RGS6: variants seen among roughly 807,000 people sequenced by gnomAD.
The protein encoded by RGS6 is regulator of G-protein signaling 6.
A neutral mutation model predicts 78.5 loss-of-function variants in RGS6; 30 were observed. The observed-to-expected ratio is 0.38, with a 90% CI of 0.29 to 0.52. The LOEUF is 0.52. Ranked by LOEUF, RGS6 falls within the 20% of genes least tolerant of loss-of-function variation. RGS6 has a pLI of 0.85. For synonymous variants in RGS6, 206 were observed against 206.0 expected (o/e 1.00, Z 0.00); for missense variants, 495 against 609.7 (o/e 0.81, Z 1.98).
intron 11 of RGS6, chr14:72,477,046 G>C: frequency 3.7e-6 from 2 of 541,858 alleles, no homozygotes; most frequent in South Asian, 4.3e-5. Flanking sequence ...AGTTCCTCCA[G>C]CAGTTACTAG....
At chr14:71,947,008 T>A (rs1023496495) in intron 1 of RGS6, among the ~76,000 whole-genome samples, 1 of 152,220 alleles carries the variant, frequency 6.6e-6, no homozygotes, top group African/African-American at 2.4e-5. Flanking sequence ...GTAAGAGCAG[T>A]GTGCCACAGT....
At chr14:71,936,049 T>TATGTAC (rs2089263299) in intron 1 of RGS6, among the ~76,000 whole-genome samples, 1 of 141,896 alleles carries the variant, frequency 7.0e-6, no homozygotes, top group African/African-American at 2.5e-5. Context: ...TATGTACATA[T>TATGTAC]ATATCATATA....
chr14:72,360,672 A>T (rs934938154), intron 3 of RGS6, among the ~76,000 whole-genome samples: 1 of 152,076 alleles, frequency 6.6e-6, no homozygotes. Flanking sequence ...GAAACCAAAA[A>T]TGGTAGAGAT....
the RGS6 span, among the ~76,000 whole-genome samples, chr14:72,599,567 C>T: frequency 1.3e-4 from 19 of 143,862 alleles, no homozygotes; most frequent in African/African-American, 4.7e-4. Context: ...TGCCACCACG[C>T]CTGGCTAATT....
intron 2 of RGS6, among the ~76,000 whole-genome samples, chr14:72,044,389 C>G (rs542548906): frequency 6.6e-6 from 1 of 152,262 alleles, no homozygotes; most frequent in South Asian, 2.1e-4. Flanking sequence ...CTGCCCTGCC[C>G]CAATATTGAC....
At chr14:72,405,051 CT>C (rs1283525910) in intron 3 of RGS6, among the ~76,000 whole-genome samples, 4 of 152,070 alleles carry the variant, frequency 2.6e-5, no homozygotes, top group Non-Finnish European at 5.9e-5. Flanking sequence ...GGGAAACAGA[CT>C]TTTTAAGATC....
At chr14:72,595,657 T>C in the RGS6 span, among the ~76,000 whole-genome samples, 2 of 152,302 alleles carry the variant, frequency 1.3e-5, no homozygotes, top group East Asian at 3.9e-4. Flanking sequence ...CAGTAAATCA[T>C]GAGATGGTGC....
At chr14:72,453,917 G>T in intron 3 of RGS6, among the ~76,000 whole-genome samples, 1 of 152,198 alleles carries the variant, frequency 6.6e-6, no homozygotes, top group East Asian at 1.9e-4. Flanking sequence ...AGTTTTTATG[G>T]TCCAGGTCTG....
intron 17 of RGS6, among the ~76,000 whole-genome samples, chr14:72,551,660 ATAT>A (rs2097508463): frequency 6.6e-6 from 1 of 152,116 alleles, no homozygotes; most frequent in Admixed American, 6.5e-5. Context: ...TCTCCACCTG[ATAT>A]TATGTGACCC....
intron 2 of RGS6, among the ~76,000 whole-genome samples, chr14:72,171,430 A>G (rs994240977): frequency 6.6e-6 from 1 of 152,236 alleles, no homozygotes. Flanking sequence ...CTTTTTAGTC[A>G]GTCTGTACTA....
intron 1 of RGS6, among the ~76,000 whole-genome samples, chr14:71,949,634 T>C (rs1483126206): frequency 6.6e-6 from 1 of 152,154 alleles, no homozygotes; most frequent in Non-Finnish European, 1.5e-5. Context: ...CCTTTCACTC[T>C]CTTTTGATGA....
At chr14:72,355,437 C>A (rs768300886) in intron 3 of RGS6, among the ~76,000 whole-genome samples, 3 of 152,082 alleles carry the variant, frequency 2.0e-5, no homozygotes, top group African/African-American at 7.2e-5. Flanking sequence ...TTAGGTGATC[C>A]GCCCACCTTG....
the RGS6 span, among the ~76,000 whole-genome samples, chr14:72,607,335 T>C: frequency 2.2e-4 from 34 of 152,196 alleles, no homozygotes; most frequent in Admixed American, 2.2e-3. Context: ...GCAGATTCGG[T>C]GTCCAGCAAG....
At chr14:71,874,160 T>A in the RGS6 span, among the ~76,000 whole-genome samples, 10 of 152,134 alleles carry the variant, frequency 6.6e-5, 1 homozygote. Context: ...TTAAAGTAGT[T>A]TTTTCCAATT....
At chr14:72,238,728 C>T (rs2051874454) in intron 2 of RGS6, among the ~76,000 whole-genome samples, 1 of 152,130 alleles carries the variant, frequency 6.6e-6, no homozygotes, top group South Asian at 2.1e-4. Flanking sequence ...CCATGAGGTT[C>T]CTGAGTCTCT....
At chr14:71,875,295 G>C in the RGS6 span, among the ~76,000 whole-genome samples, 2 of 152,098 alleles carry the variant, frequency 1.3e-5, no homozygotes, top group African/African-American at 2.4e-5. Flanking sequence ...TGGTTGGTAG[G>C]CTCTTAATTA....
chr14:72,495,091 C>A (rs1333839302), intron 12 of RGS6, 61 bp from the exon 13 acceptor site: 1 of 990,750 alleles, frequency 1.0e-6, no homozygotes, highest in Non-Finnish European at 1.6e-6. Context: ...TTGTGTAAAA[C>A]AGAATAAAGG....
chr14:72,242,839 C>CTTT lies in RGS6; in HGVS notation c.85-109231_85-109229dup, dbSNP rs35675211. Among the ~76,000 whole-genome samples the CTTT allele has an allele frequency of 7.1e-4, 49 of 69,124 alleles. 2 individuals carry two copies. Among genetic ancestry groups the CTTT allele is most frequent in the Admixed American group, 1.3e-3 (6 of 4,472 alleles). The allele number at this position is 69,124 out of a possible 152,430, so 45.3% of individuals were successfully genotyped here. The stretch of plus-strand genomic sequence containing the variant: ...GTATTTTTCCAACTTCATTTCTTTT[C>CTTT]TTTTTTTTTTTTTTTTTTTTTTTTT... On this transcript the variant is annotated intron_variant, in intron 2 of 17. Coordinates refer to ENST00000553525, the MANE Select transcript of RGS6 (RefSeq NM_001204424.2).
At chr14:72,544,153 A>AGAG (rs1364868331) in intron 17 of RGS6, among the ~76,000 whole-genome samples, 1 of 152,062 alleles carries the variant, frequency 6.6e-6, no homozygotes, top group Non-Finnish European at 1.5e-5. Flanking sequence ...CGTGGGAGGG[A>AGAG]GAGGGGGCAA....
Sources: gnomAD v4.1 joint callset for allele counts (sites outside exome capture counted in the v4.1 genomes callset) on GRCh38, gnomAD v4.1.1 for gene constraint, MANE v1.5 for transcripts, NCBI Gene and HGNC (gene_info 2026-07-23, HGNC 2026-07-21) for gene names.